The following RARB variants were observed in gnomAD, a reference collection of about 807,000 sequenced individuals.
The protein encoded by RARB is HBV-activated protein.
RARB carries 17 observed loss-of-function variants against 51.9 expected under a neutral mutation model. That is an observed-to-expected ratio of 0.33 (90% CI 0.22 to 0.49). The LOEUF (loss-of-function observed/expected upper bound fraction) is 0.49. RARB is among the 20% of genes least tolerant of loss of function. The pLI, the probability that RARB is intolerant of heterozygous loss-of-function variation, is 0.99. For synonymous variants in RARB, 215 were observed against 195.4 expected, an observed-to-expected ratio of 1.10 and a Z score of -0.84; for missense variants, 369 against 550.8, an observed-to-expected ratio of 0.67 and a Z score of 3.30.
At chr3:25,154,709 A>G (rs971809822) in intron 4 of RARB, among the ~76,000 whole-genome samples, 3 of 151,364 alleles carry the variant, frequency 2.0e-5, no homozygotes, top group Non-Finnish European at 1.5e-5. Context: ...ATCTCTTACT[A>G]CTCCCCAGCT....
chr3:25,272,642 A>C (rs1284790671), intron 5 of RARB, among the ~76,000 whole-genome samples: 2 of 152,222 alleles, frequency 1.3e-5, no homozygotes, highest in Non-Finnish European at 2.9e-5. Context: ...TGGCCAGAGC[A>C]ATTTCTTCAG....
intron 2 of RARB, among the ~76,000 whole-genome samples, chr3:24,945,925 T>G (rs1695763110): frequency 6.6e-6 from 1 of 152,226 alleles, no homozygotes; most frequent in African/African-American, 2.4e-5. Context: ...ATGTTCTCTT[T>G]GGAATTCACT....
At chr3:25,325,545 C>T (rs888978920) in intron 5 of RARB, among the ~76,000 whole-genome samples, 9 of 150,760 alleles carry the variant, frequency 6.0e-5, no homozygotes, top group East Asian at 3.9e-4. Flanking sequence ...CCAAATACCC[C>T]CCAGGCACTT....
chr3:24,875,236 TG>T (rs1355771574), intron 2 of RARB, among the ~76,000 whole-genome samples: 2 of 152,162 alleles, frequency 1.3e-5, no homozygotes, highest in Non-Finnish European at 1.5e-5. Flanking sequence ...CCAACTGTAT[TG>T]GTTGCCGAAG....
intron 5 of RARB, among the ~76,000 whole-genome samples, chr3:25,278,905 C>T (rs375542590): frequency 1.1e-4 from 17 of 152,248 alleles, no homozygotes; most frequent in African/African-American, 3.9e-4. Flanking sequence ...TGATTCTCAA[C>T]TTATTTGGTG....
At chr3:25,035,841 G>A (rs1697981232) in intron 2 of RARB, among the ~76,000 whole-genome samples, 1 of 152,142 alleles carries the variant, frequency 6.6e-6, no homozygotes, top group African/African-American at 2.4e-5. Flanking sequence ...ATAGGCTGTA[G>A]TTTGTGAACC....
intron 4 of RARB, among the ~76,000 whole-genome samples, chr3:25,574,776 T>C (rs1700856161): frequency 6.6e-6 from 1 of 152,226 alleles, no homozygotes; most frequent in Non-Finnish European, 1.5e-5. Flanking sequence ...GGAAGGCTGT[T>C]TTGAGCACTT....
intron 3 of RARB, among the ~76,000 whole-genome samples, chr3:25,516,651 G>C (rs1445686270): frequency 8.8e-6 from 1 of 113,588 alleles, no homozygotes; most frequent in Admixed American, 7.8e-5. Flanking sequence ...TTTTGAGACA[G>C]GGTCACACTC....
At chr3:25,089,804 G>C (rs980674549) in intron 3 of RARB, among the ~76,000 whole-genome samples, 10 of 152,090 alleles carry the variant, frequency 6.6e-5, no homozygotes, top group Non-Finnish European at 4.4e-5. Flanking sequence ...AATGATACTA[G>C]AGTCAAGATG....
intron 4 of RARB, among the ~76,000 whole-genome samples, chr3:25,170,044 C>G (rs1700618982): frequency 6.6e-6 from 1 of 150,660 alleles, no homozygotes; most frequent in Admixed American, 6.6e-5. Context: ...GTACTTGCTT[C>G]TGAGGGGAAC....
At chr3:25,565,550 A>G (rs548214696) in intron 3 of RARB, among the ~76,000 whole-genome samples, 4 of 152,318 alleles carry the variant, frequency 2.6e-5, no homozygotes, top group South Asian at 2.1e-4. Flanking sequence ...GCGATGGCAC[A>G]TAGTAGATAC....
At chr3:25,062,162 A>G (rs1698562599) in intron 3 of RARB, among the ~76,000 whole-genome samples, 1 of 151,818 alleles carries the variant, frequency 6.6e-6, no homozygotes, top group Non-Finnish European at 1.5e-5. Context: ...AATATAAATA[A>G]TTTGGTGGGA....
At chr3:25,075,420 G>C (rs1698852519) in intron 3 of RARB, among the ~76,000 whole-genome samples, 1 of 152,174 alleles carries the variant, frequency 6.6e-6, no homozygotes, top group Non-Finnish European at 1.5e-5. Flanking sequence ...CAGTCTGGAA[G>C]TGGCAAAAGA....
intron 5 of RARB, among the ~76,000 whole-genome samples, chr3:25,249,681 ATTT>A (rs775744919): frequency 7.3e-5 from 7 of 95,280 alleles, no homozygotes; most frequent in African/African-American, 7.8e-5. Context: ...TCTCTGTATG[ATTT>A]TTTTTTTTTT....
At chr3:25,455,784 G>A (rs1247174786) in intron 1 of RARB, among the ~76,000 whole-genome samples, 1 of 152,208 alleles carries the variant, frequency 6.6e-6, no homozygotes, top group Non-Finnish European at 1.5e-5. Flanking sequence ...AGCCCATCTG[G>A]TTAGCAGTTT....
Position 25,086,350 on chromosome 3 carries a change from TC to T in RARB, c.-328+26175del, listed in dbSNP as rs112253520. 6.3e-3 allele frequency among the ~76,000 whole-genome samples: 965 copies of T among 152,320 alleles called. 6 individuals are homozygous for T. The highest frequency in any genetic ancestry group is 0.022 in the African/African-American group (904 of 41,578). On this transcript the variant is annotated intron_variant, in intron 3 of 11. Coordinates refer to the RARB transcript ENST00000383772. ...TACATCTTACAAGATTTCCCATCTTTCTTTGTGTACTGTGTCATTTGATTTG... is the reference window on the plus strand; with the variant it reads ...TACATCTTACAAGATTTCCCATCTTTTTTGTGTACTGTGTCATTTGATTTG...
chr3:24,868,873 G>A (rs1702897116), intron 2 of RARB, among the ~76,000 whole-genome samples: 1 of 151,822 alleles, frequency 6.6e-6, no homozygotes, highest in South Asian at 2.1e-4. Flanking sequence ...TGCCTTTCTG[G>A]GCCAAACCAA....
At chr3:24,851,437 A>G (rs558694266) in intron 1 of RARB, among the ~76,000 whole-genome samples, 1 of 152,114 alleles carries the variant, frequency 6.6e-6, no homozygotes, top group South Asian at 2.1e-4. Flanking sequence ...CAAAAAAAAA[A>G]AAAAAAGGAA....
rs147910815 is a variant in RARB, at chr3:24,976,624, T to C, written c.-379-83501T>C. Among the ~76,000 whole-genome samples, 319 of 152,194 alleles carry C rather than the reference T, an allele frequency of 2.1e-3. 1 individual carries two copies. The highest frequency in any genetic ancestry group is 7.2e-3 in the African/African-American group (299 of 41,552). On this transcript the variant is annotated intron_variant, in intron 2 of 11. Transcript: ENST00000383772. ...CCACTTTTTGAAGGGTTTTTTTTTC[T>C]TGTAAATTTAAGTTCTTTGTAGATT... is the stretch of plus-strand genomic sequence containing the variant.
Sources: gnomAD v4.1 joint callset for allele counts (sites outside exome capture counted in the v4.1 genomes callset) on GRCh38, gnomAD v4.1.1 for gene constraint, MANE v1.5 for transcripts, NCBI Gene and HGNC (gene_info 2026-07-23, HGNC 2026-07-21) for gene names.